NEGR1: variants seen among roughly 807,000 people sequenced by gnomAD.
NEGR1 encodes the protein neuronal growth regulator 1.
NEGR1 carries 10 observed loss-of-function variants against 40.9 expected under a neutral mutation model. The ratio of observed to expected loss-of-function variants is 0.24; its 90% CI spans 0.15 to 0.42. NEGR1 has a LOEUF of 0.42. Ranked by LOEUF, NEGR1 falls within the 10% of genes least tolerant of loss-of-function variation. The probability of loss-of-function intolerance (pLI) is 1.00; values close to 1 mark genes in which losing one functional copy is unlikely to be tolerated. For missense variants in NEGR1, 352 were observed against 438.9 expected (o/e 0.80, Z 1.77); for synonymous variants, 185 against 166.8 (o/e 1.11, Z -0.84).
At chr1:71,583,121 A>AAAATAAATAAAT (rs56672219) in intron 6 of NEGR1, among the ~76,000 whole-genome samples, 3 of 149,260 alleles carry the variant, frequency 2.0e-5, no homozygotes, top group African/African-American at 7.4e-5. Flanking sequence ...ACAGAAAGTA[A>AAAATAAATAAAT]AAATAAATAA....
chr1:71,584,519 TC>T (rs1649237968), intron 6 of NEGR1, among the ~76,000 whole-genome samples: 1 of 152,262 alleles, frequency 6.6e-6, no homozygotes, highest in East Asian at 1.9e-4. Flanking sequence ...TATTCCTGGA[TC>T]TTTTATTAGG....
At chr1:72,173,967 T>C (rs532455499) in intron 1 of NEGR1, among the ~76,000 whole-genome samples, 3 of 152,088 alleles carry the variant, frequency 2.0e-5, no homozygotes, top group African/African-American at 7.2e-5. Flanking sequence ...ATAATAATGA[T>C]AGTGGCAATG....
intron 1 of NEGR1, among the ~76,000 whole-genome samples, chr1:72,156,407 A>G (rs900310734): frequency 6.6e-6 from 1 of 152,148 alleles, no homozygotes; most frequent in Non-Finnish European, 1.5e-5. Context: ...CACAAACCAC[A>G]TTTTTGAAAG....
At chr1:72,016,716 T>A (rs1303158713) in intron 1 of NEGR1, among the ~76,000 whole-genome samples, 1 of 152,134 alleles carries the variant, frequency 6.6e-6, no homozygotes, top group African/African-American at 2.4e-5. Flanking sequence ...TTAGGTTCAC[T>A]CTAAAAACCC....
Position 71,935,176 on chromosome 1 carries a change from C to T in NEGR1, c.312G>A (p.Gln104=). The change falls in exon 2 of 7, where the codon CAG becomes CAA. Residue 104 remains glutamine, a synonymous_variant. Transcript: ENST00000357731. Reference sequence around the variant, plus strand: ...CATCTGTCACATCTACATTCTGTATCTGGAGGCTGTAGTCCCTTTTATTCA... The same window carrying T: ...CATCTGTCACATCTACATTCTGTATTTGGAGGCTGTAGTCCCTTTTATTCA... ...STLNKRDYSL[Q]IQNVDVTDDG... The T allele has an allele frequency of 6.2e-7, 1 of 1,613,688 alleles. No homozygotes were observed. Among genetic ancestry groups the T allele is most frequent in the East Asian group, 2.2e-5 (1 of 44,862 alleles).
At chr1:71,536,026 G>A (rs151167412) in intron 6 of NEGR1, among the ~76,000 whole-genome samples, 280 of 151,692 alleles carry the variant, frequency 1.8e-3, no homozygotes, top group Non-Finnish European at 3.1e-3. Flanking sequence ...AGAAGTGAAT[G>A]GAAAAATTTG....
At chr1:71,882,684 A>G (rs1660614042) in intron 2 of NEGR1, among the ~76,000 whole-genome samples, 1 of 151,294 alleles carries the variant, frequency 6.6e-6, no homozygotes, top group Admixed American at 6.6e-5. Context: ...TCGTGATAAC[A>G]GATTATCAGC....
At chr1:71,716,540 A>T (rs1233862466) in intron 3 of NEGR1, among the ~76,000 whole-genome samples, 1 of 152,130 alleles carries the variant, frequency 6.6e-6, no homozygotes. Context: ...ATTATGAAAC[A>T]TTGTTCAGTG....
intron 3 of NEGR1, among the ~76,000 whole-genome samples, chr1:71,710,517 A>G (rs1350859232): frequency 6.6e-6 from 1 of 152,236 alleles, no homozygotes; most frequent in African/African-American, 2.4e-5. Context: ...AATGTGGTAC[A>G]TATACACAGT....
chr1:72,261,060 A>G (rs1655437710), intron 1 of NEGR1, among the ~76,000 whole-genome samples: 1 of 152,086 alleles, frequency 6.6e-6, no homozygotes, highest in South Asian at 2.1e-4. Context: ...ATAAAAAATC[A>G]TTTTAACATT....
chr1:72,093,219 T>C (rs1648562351), intron 1 of NEGR1, among the ~76,000 whole-genome samples: 1 of 151,436 alleles, frequency 6.6e-6, no homozygotes. Flanking sequence ...TAGTCCCTGC[T>C]AGCTGGTAGG....
At chr1:71,798,778 T>C (rs988425366) in intron 2 of NEGR1, among the ~76,000 whole-genome samples, 7 of 152,144 alleles carry the variant, frequency 4.6e-5, no homozygotes, top group Admixed American at 1.3e-4. Flanking sequence ...GAGAAACATA[T>C]TTCGTGGAGA....
chr1:72,002,312 A>G (rs1481002441), intron 1 of NEGR1, among the ~76,000 whole-genome samples: 1 of 152,138 alleles, frequency 6.6e-6, no homozygotes, highest in Non-Finnish European at 1.5e-5. Flanking sequence ...AATTTGTTAT[A>G]AAATAAAAAA....
intron 2 of NEGR1, among the ~76,000 whole-genome samples, chr1:71,928,161 C>CACACAT (rs369067113): frequency 7.7e-3 from 7 of 906 alleles, no homozygotes; most frequent in Non-Finnish European, 0.011. Flanking sequence ...TATGTATATA[C>CACACAT]GTATATATGT....
Position 71,813,464 on chromosome 1 carries a change from G to T in NEGR1, c.410-37167C>A, listed in dbSNP as rs139982613. Reference sequence around the variant, plus strand: ...TTTAAAGTAGCTTTTTTCTAATTCTGTGAAGAATGTCAATGGTAGTTTAAT... The same window carrying T: ...TTTAAAGTAGCTTTTTTCTAATTCTTTGAAGAATGTCAATGGTAGTTTAAT... On this transcript the variant is annotated intron_variant, in intron 2 of 6. Coordinates refer to ENST00000357731, the MANE Select transcript of NEGR1 (RefSeq NM_173808.3). 8.9e-3 allele frequency among the ~76,000 whole-genome samples: 1,357 copies of T among 152,028 alleles called. 26 individuals are homozygous for T. Among genetic ancestry groups the T allele is most frequent in the African/African-American group, 0.031 (1,299 of 41,468 alleles).
intron 4 of NEGR1, among the ~76,000 whole-genome samples, chr1:71,685,632 T>C (rs577167881): frequency 1.3e-5 from 2 of 152,332 alleles, no homozygotes; most frequent in Non-Finnish European, 2.9e-5. Flanking sequence ...TACTTTTCTT[T>C]AGCAAATGAA....
At chr1:71,726,745 C>T (rs996610353) in intron 3 of NEGR1, among the ~76,000 whole-genome samples, 1 of 151,954 alleles carries the variant, frequency 6.6e-6, no homozygotes, top group African/African-American at 2.4e-5. Flanking sequence ...ATCAGTGTAG[C>T]CAAAGGAATG....
intron 1 of NEGR1, among the ~76,000 whole-genome samples, chr1:72,133,440 T>TAGAAAAAC (rs1557543221): frequency 6.6e-6 from 1 of 152,042 alleles, no homozygotes; most frequent in African/African-American, 2.4e-5. Flanking sequence ...TAGGAAAAAC[T>TAGAAAAAC]ATTTTGTTCT....
chr1:72,054,660 A>G (rs1157807401), intron 1 of NEGR1, among the ~76,000 whole-genome samples: 3 of 151,228 alleles, frequency 2.0e-5, no homozygotes, highest in Non-Finnish European at 4.4e-5. Context: ...CCAAAAGCAC[A>G]TGGTATCTCA....
Sources: allele counts gnomAD v4.1 joint callset (sites outside exome capture counted in the v4.1 genomes callset), GRCh38; gene constraint gnomAD v4.1.1; transcripts MANE v1.5; gene names NCBI Gene and HGNC (gene_info 2026-07-23, HGNC 2026-07-21).